The following SMN2 variants were observed in gnomAD, a reference collection of about 807,000 sequenced individuals.
SMN2 encodes the protein survival motor neuron protein.
Under a neutral mutation model 2.8 loss-of-function variants are expected in SMN2, and 1 was observed. The ratio of observed to expected loss-of-function variants is 0.35; its 90% CI spans 0.13 to 1.68. The LOEUF (loss-of-function observed/expected upper bound fraction) is 1.68, where lower values mean the gene tolerates loss of function less well. Among genes scored for constraint, SMN2 ranks in the 40% most tolerant of loss-of-function variants. The probability of loss-of-function intolerance (pLI) is 0.35; values close to 1 mark genes in which losing one functional copy is unlikely to be tolerated. For synonymous variants in SMN2, 5 were observed against 5.0 expected, an observed-to-expected ratio of 0.99 and a Z score of 0.01; for missense variants, 12 against 16.9, an observed-to-expected ratio of 0.71 and a Z score of 0.51.
chr5:70,085,069 AT>A, the SMN2 span, among the ~76,000 whole-genome samples: 2 of 133,876 alleles, frequency 1.5e-5, no homozygotes, highest in African/African-American at 6.4e-5. Flanking sequence ...TCTGTTTGTG[AT>A]TTTACTGTTT....
the SMN2 span, among the ~76,000 whole-genome samples, chr5:70,084,164 T>C: frequency 1.4e-5 from 1 of 72,584 alleles, no homozygotes; most frequent in East Asian, 3.3e-4. Flanking sequence ...ACTACTGTGT[T>C]GAAGAGGCTA....
At chr5:70,084,487 T>A in the SMN2 span, among the ~76,000 whole-genome samples, 2 of 137,178 alleles carry the variant, frequency 1.5e-5, no homozygotes, top group Non-Finnish European at 1.5e-5. Flanking sequence ...GTGCCCGACC[T>A]ACATTTAAAT....
At chr5:70,088,421 A>G in the SMN2 span, among the ~76,000 whole-genome samples, 12 of 97,656 alleles carry the variant, frequency 1.2e-4, no homozygotes, top group African/African-American at 4.9e-4. Flanking sequence ...GGTAAGTTTC[A>G]AACTTTTTTT....
In SMN2 at chr5:70,075,275, G is replaced by A. The variant is rs1255679257; in HGVS notation, c.835-1246G>A. On this transcript the variant is annotated intron_variant, in intron 7 of 8. Coordinates refer to ENST00000380743, the MANE Select transcript of SMN2 (RefSeq NM_017411.4). ...GTCCCCCAAGCTGGAGTGCAGCGGC[G>A]CGATCTTGGCTCACTGCAAGCTCTG... Among the ~76,000 whole-genome samples the A allele has an allele frequency of 6.2e-4, 57 of 91,706 alleles. 2 individuals carry two copies. The East Asian group carries it at 0.01, about 16-fold the overall frequency. The allele number at this position is 91,706 out of a possible 152,430, so 60.2% of individuals were successfully genotyped here.
rs1774786970 is a variant in SMN2 at position 70,077,379 on chromosome 5, TAA to T, written c.*367_*368del. 1.3e-5 allele frequency: 1 copy of T among 79,426 alleles called. No individual in the cohort carries two copies. The highest frequency in any genetic ancestry group is 2.2e-5 in the Non-Finnish European group (1 of 45,814). The allele number at this position is 79,426 out of a possible 1,614,324, so 4.9% of individuals were successfully genotyped here. A position where few individuals can be genotyped will look rare whatever the true frequency, so the allele number is the denominator to read the frequency against. On this transcript the variant is annotated 3_prime_UTR_variant, in exon 9 of 9. Transcript: ENST00000380743. The stretch of plus-strand genomic sequence containing the variant: ...GCTGTGAGAAGGGTGTTGTAGTTTA[TAA>T]AAGACTGTCTTAATTTGCATACTTA...
At chr5:70,070,234 T>C (rs1410421787) in intron 6 of SMN2, among the ~76,000 whole-genome samples, 1 of 105,842 alleles carries the variant, frequency 9.4e-6, no homozygotes. Flanking sequence ...CATAGCTTCA[T>C]AGTGGAACAG....
chr5:70,075,895 C>T (rs1774736216), intron 7 of SMN2, among the ~76,000 whole-genome samples: 2 of 119,478 alleles, frequency 1.7e-5, no homozygotes, highest in South Asian at 5.0e-4. Context: ...CTCTGTCACC[C>T]AGGCTGGAGT....
At chr5:70,083,231 G>T (rs1742058817), downstream of SMN2, among the ~76,000 whole-genome samples, 1 of 101,406 alleles carries the variant, frequency 9.9e-6, no homozygotes, top group Non-Finnish European at 1.9e-5. Flanking sequence ...GAGACAGTTT[G>T]TTATAATTTC....
the SMN2 span, among the ~76,000 whole-genome samples, chr5:70,084,652 T>C: frequency 7.3e-6 from 1 of 137,856 alleles, no homozygotes; most frequent in Non-Finnish European, 1.5e-5. Flanking sequence ...ATCTCATATT[T>C]GTACATTTTT....
Position 70,076,806 on chromosome 5 carries a change from T to G in SMN2, c.*4-213T>G. On this transcript the variant is annotated intron_variant, in intron 8 of 8. Transcript: ENST00000380743. ...GGTTGGTTGTGTGGAAGAAACATACTTTCACAATAAAGAGCTTTAGGATAT... is the reference window on the plus strand; with the variant it reads ...GGTTGGTTGTGTGGAAGAAACATACGTTCACAATAAAGAGCTTTAGGATAT... 3.0e-6 allele frequency: 4 copies of G among 1,325,850 alleles called. 1 individual carries two copies. The highest frequency in any genetic ancestry group is 1.5e-5 in the South Asian group (1 of 66,348). 82.1% of individuals were successfully genotyped at this position (1,325,850 alleles called of 1,614,324 possible). A position where few individuals can be genotyped will look rare whatever the true frequency, so the allele number is the denominator to read the frequency against.
At chr5:70,079,447 A>C (rs1485846102), downstream of SMN2, among the ~76,000 whole-genome samples, 6 of 149,844 alleles carry the variant, frequency 4.0e-5, no homozygotes, top group African/African-American at 7.5e-5. Context: ...AAAAAAAAAA[A>C]AAAACACGTT....
chr5:70,085,136 T>C, the SMN2 span, among the ~76,000 whole-genome samples: 2 of 129,568 alleles, frequency 1.5e-5, no homozygotes, highest in Non-Finnish European at 3.2e-5. Context: ...CCAAGGTGCA[T>C]GCGGGCTGTG....
rs1439614096 is a variant in SMN2 at position 70,072,869 on chromosome 5, TC to T, written c.834+2121del. ...TGGGCACAATGGCTCACGCCTGTAATCCCAGCACTTTGGGAGGCCAGGGCAG... is the reference window on the plus strand; with the variant it reads ...TGGGCACAATGGCTCACGCCTGTAATCCAGCACTTTGGGAGGCCAGGGCAG... On this transcript the variant is annotated intron_variant, in intron 7 of 8. Coordinates refer to ENST00000380743, the MANE Select transcript of SMN2 (RefSeq NM_017411.4). Among the ~76,000 whole-genome samples the T allele has an allele frequency of 2.3e-5, 3 of 132,322 alleles. 1 individual carries two copies. Among genetic ancestry groups the T allele is most frequent in the Non-Finnish European group, 4.9e-5 (3 of 60,832 alleles). The allele number at this position is 132,322 out of a possible 152,430, so 86.8% of individuals were successfully genotyped here. A position where few individuals can be genotyped will look rare whatever the true frequency, so the allele number is the denominator to read the frequency against.
intron 7 of SMN2, among the ~76,000 whole-genome samples, chr5:70,074,592 G>A (rs1210008347): frequency 2.4e-4 from 28 of 118,850 alleles, no homozygotes; most frequent in Middle Eastern, 5.0e-3. Context: ...GCGGTGAGCC[G>A]AGATCACCTC....
chr5:70,075,580 T>C (rs1407312959), intron 7 of SMN2, among the ~76,000 whole-genome samples: 1 of 120,988 alleles, frequency 8.3e-6, no homozygotes, highest in Non-Finnish European at 1.8e-5. Flanking sequence ...AAATCCGACC[T>C]CAGGTGATCC....
rs1169412271 is a variant in SMN2 at position 70,075,928 on chromosome 5, A to G, written c.835-593A>G. On this transcript the variant is annotated intron_variant, in intron 7 of 8. Transcript: ENST00000380743. ...AGTGCAGTGGTGTAAATCTCAGCTCACTGCAGCCTCCGCCTCCTGGGTTCA... is the reference window on the plus strand; with the variant it reads ...AGTGCAGTGGTGTAAATCTCAGCTCGCTGCAGCCTCCGCCTCCTGGGTTCA... 1.6e-5 allele frequency among the ~76,000 whole-genome samples: 2 copies of G among 122,830 alleles called. 1 individual carries two copies. The highest frequency in any genetic ancestry group is 4.3e-4 in the East Asian group (2 of 4,632). The allele number at this position is 122,830 out of a possible 152,430, so 80.6% of individuals were successfully genotyped here.
chr5:70,052,084 A>T (rs1307106678), intron 1 of SMN2, among the ~76,000 whole-genome samples: 1 of 64,250 alleles, frequency 1.6e-5, no homozygotes, highest in African/African-American at 5.0e-5. Flanking sequence ...CCAGCTACTC[A>T]AGAGGCTGTG....
chr5:70,079,432 A>C (rs1228322383), downstream of SMN2, among the ~76,000 whole-genome samples: 1 of 6,356 alleles, frequency 1.6e-4, no homozygotes, highest in Non-Finnish European at 3.0e-4. Context: ...ACTCCGTCTC[A>C]AAAAAAAAAA....
At chr5:70,079,419 G>A (rs1356460874), downstream of SMN2, among the ~76,000 whole-genome samples, 1 of 126,304 alleles carries the variant, frequency 7.9e-6, no homozygotes, top group African/African-American at 3.3e-5. Flanking sequence ...GCTAAAAAGC[G>A]AGACTCCGTC....
Sources: allele counts gnomAD v4.1 joint callset (sites outside exome capture counted in the v4.1 genomes callset), GRCh38; gene constraint gnomAD v4.1.1; transcripts MANE v1.5; gene names NCBI Gene and HGNC (gene_info 2026-07-23, HGNC 2026-07-21).